NME6: variants seen among roughly 807,000 people sequenced by gnomAD.
The protein encoded by NME6 is nucleoside diphosphate kinase 6, mitochondrial.
NME6 carries 16 observed loss-of-function variants against 22.2 expected under a neutral mutation model. That is an observed-to-expected ratio of 0.72 (90% CI 0.49 to 1.09). NME6 has a LOEUF of 1.09. Among genes scored for constraint, NME6 ranks in the 50% least tolerant of loss-of-function variants. The pLI, the probability that NME6 is intolerant of heterozygous loss-of-function variation, is 0.00. For missense variants in NME6, 229 were observed against 239.0 expected (o/e 0.96, Z 0.28); for synonymous variants, 58 against 85.2 (o/e 0.68, Z 1.76).
intron 2 of NME6, chr3:48,298,170 T>C: frequency 2.0e-6 from 1 of 507,262 alleles, no homozygotes; most frequent in South Asian, 2.0e-5. Flanking sequence ...ATGTGTTATG[T>C]AGCAATAGAA....
chr3:48,298,026 C>G, intron 2 of NME6: 1 of 256,850 alleles, frequency 3.9e-6, no homozygotes, highest in South Asian at 3.8e-5. Flanking sequence ...CAGATAAGGA[C>G]CTGGTCAGCC....
intron 1 of NME6, chr3:48,298,805 C>G: frequency 1.6e-6 from 1 of 609,542 alleles, no homozygotes; most frequent in South Asian, 2.0e-5. Context: ...AAAAGAAACT[C>G]AAGTTTAAAT....
rs2034879812 is a variant in NME6, at chr3:48,294,756, A to C, written c.442T>G (p.Phe148Val). 1.2e-6 allele frequency: 2 copies of C among 1,614,148 alleles called. No individual in the cohort carries two copies. Among genetic ancestry groups the C allele is most frequent in the Non-Finnish European group, 1.7e-6 (2 of 1,180,016 alleles). Residue 148 changes from phenylalanine to valine, a missense_variant, in exon 6 of 6, where the codon TTC becomes GTC. Phe to Val is a conservative substitution (Grantham distance 50). Transcript: ENST00000442597. ...TCCTCATACCAGCGCTGTTCACTGA[A>C]GTCAGGGAAGAAGGCTGCAATCTCT... Reference protein sequence around the residue: ...SREIAAFFPDFSEQRWYEEEE... With the variant: ...SREIAAFFPDVSEQRWYEEEE...
At position 48,298,235 on chromosome 3, in the gene NME6, T is replaced by A. The variant is rs2035314438; in HGVS notation, c.90+192A>T. ...GGTTCTATTATTGCTTTGGGTCCTT[T>A]CTTACATTTTAGGTCTGCCTCAAGT... On this transcript the variant is annotated intron_variant, in intron 2 of 5. Transcript: ENST00000442597. The A allele has an allele frequency of 9.7e-6, 6 of 617,838 alleles. No individual in the cohort carries two copies. In the Admixed American group the frequency reaches 1.7e-4, roughly 17 times the overall value. The allele number at this position is 617,838 out of a possible 1,614,324, so 38.3% of individuals were successfully genotyped here.
Position 48,294,810 on chromosome 3 carries a change from G to C in NME6, c.395-7C>G, listed in dbSNP as rs1003367058. 1.5e-5 allele frequency: 24 copies of C among 1,612,850 alleles called. 1 individual carries two copies. Among genetic ancestry groups the C allele is most frequent in the Non-Finnish European group, 2.0e-5 (23 of 1,179,000 alleles). On this transcript the variant is annotated splice_polypyrimidine_tract_variant and splice_region_variant and intron_variant, in intron 5 of 5. Transcript: ENST00000442597. Reference sequence around the variant, plus strand: ...CTGGCTGAAACCACAGAGTCTGTAAGGGGAGATAAGACAGAGAAGGGGTTC... The same window carrying C: ...CTGGCTGAAACCACAGAGTCTGTAACGGGAGATAAGACAGAGAAGGGGTTC...
chr3:48,300,605 C>T (rs2035588257), intron 1 of NME6: 1 of 297,472 alleles, frequency 3.4e-6, no homozygotes, highest in South Asian at 2.9e-5. Flanking sequence ...GGCCAGGCTG[C>T]TAGGGGTTCT....
At chr3:48,291,645 A>G (rs2034482595), downstream of NME6, 2 of 154,954 alleles carry the variant, frequency 1.3e-5, no homozygotes, top group Non-Finnish European at 2.9e-5. Context: ...TCAGCCTCCC[A>G]AAGTGTTGGA....
Position 48,298,539 on chromosome 3 carries a change from T to G in NME6, c.-7-16A>C, listed in dbSNP as rs754897425. On this transcript the variant is annotated splice_polypyrimidine_tract_variant and intron_variant, in intron 1 of 5. Transcript: ENST00000442597. The stretch of plus-strand genomic sequence containing the variant: ...CATCTCACTCCTGCCATTAGAGAGC[T>G]GTATTAGGAACCCTTCAGGACGGCA... 3 of 1,581,020 alleles carry G rather than the reference T, an allele frequency of 1.9e-6. No individual in the cohort carries two copies. Among genetic ancestry groups the G allele is most frequent in the African/African-American group, 2.7e-5 (2 of 73,952 alleles).
In NME6 at chr3:48,294,596, G is replaced by A. The variant is rs1189497082; in HGVS notation, c.*41C>T. On this transcript the variant is annotated 3_prime_UTR_variant, in exon 6 of 6. Coordinates refer to ENST00000442597, the MANE Select transcript of NME6 (RefSeq NM_001308426.2). ...GAGAATGTTTTAGACTAGATGTCTAGGAGAAGTCTGGGCACTACCACTGGT... is the reference window on the plus strand; with the variant it reads ...GAGAATGTTTTAGACTAGATGTCTAAGAGAAGTCTGGGCACTACCACTGGT... 1 of 1,600,380 alleles carries A rather than the reference G, an allele frequency of 6.2e-7. No individual in the cohort carries two copies. The highest frequency in any genetic ancestry group is 1.1e-5 in the South Asian group (1 of 90,602).
Position 48,294,753 on chromosome 3 carries a change from T to G in NME6, c.445A>C (p.Ser149Arg), listed in dbSNP as rs1229042106. 3.7e-6 allele frequency: 6 copies of G among 1,614,038 alleles called. No individual in the cohort carries two copies. Among genetic ancestry groups the G allele is most frequent in the Non-Finnish European group, 1.7e-6 (2 of 1,180,034 alleles). ...TCCTCCTCATACCAGCGCTGTTCAC[T>G]GAAGTCAGGGAAGAAGGCTGCAATC... The part of the protein sequence containing the change: ...REIAAFFPDF[S>R]EQRWYEEEEP... The change falls in exon 6 of 6, where the codon AGT becomes CGT. Residue 149 changes from serine (S) to arginine (R), a missense_variant. Transcript: ENST00000442597.
intron 2 of NME6, 74 bp downstream of exon 2, chr3:48,298,353 A>G: frequency 7.6e-7 from 1 of 1,309,678 alleles, no homozygotes; most frequent in African/African-American, 1.4e-5. Flanking sequence ...GTCAGTCACC[A>G]TAAATGGCCC....
At chr3:48,300,281 C>T (rs1468427179) in intron 1 of NME6, 2 of 456,808 alleles carry the variant, frequency 4.4e-6, no homozygotes, top group Non-Finnish European at 8.8e-6. Context: ...ACGTACCTCT[C>T]TAGCCTCATC....
At chr3:48,299,478 T>G (rs573208824) in intron 1 of NME6, among the ~76,000 whole-genome samples, 1 of 152,112 alleles carries the variant, frequency 6.6e-6, no homozygotes, top group Non-Finnish European at 1.5e-5. Context: ...CCATGTGTAG[T>G]GGCTCACACC....
chr3:48,296,057 C>T, intron 4 of NME6, 62 bp downstream of exon 4: 1 of 1,108,426 alleles, frequency 9.0e-7, no homozygotes, highest in Non-Finnish European at 1.4e-6. Context: ...TGAACAAATC[C>T]ATTTAGGGGC....
rs1423425091 is a variant in NME6, at chr3:48,292,779, A to G, written c.*1858T>C. ...TGGTCAGGCTGGTCTGGAACTCCCA[A>G]CCTCAGGTGATCCGCCTGCCTCAGC... On this transcript the variant is annotated 3_prime_UTR_variant, in exon 6 of 6. Transcript: ENST00000442597. 2.6e-5 allele frequency: 4 copies of G among 152,014 alleles called. No homozygotes were observed. The highest frequency in any genetic ancestry group is 9.7e-5 in the African/African-American group (4 of 41,350). The allele number at this position is 152,014 out of a possible 1,614,324, so 9.4% of individuals were successfully genotyped here.
At chr3:48,296,973 T>A in intron 2 of NME6, 144 bp from the exon 3 acceptor site, 1 of 620,874 alleles carries the variant, frequency 1.6e-6, no homozygotes, top group South Asian at 1.9e-5. Context: ...GGTGAAGACC[T>A]TCAGTCACAC....
In NME6 at chr3:48,299,180, C is replaced by T. The variant is rs953565293; in HGVS notation, c.-7-657G>A. The stretch of plus-strand genomic sequence containing the variant: ...TCAGGAACAAGTCATAACCATTTTG[C>T]ATCTGAAACAGTGCCTGACACAAAG... On this transcript the variant is annotated intron_variant, in intron 1 of 5. Coordinates refer to ENST00000442597, the MANE Select transcript of NME6 (RefSeq NM_001308426.2). 5 of 506,128 alleles carry T rather than the reference C, an allele frequency of 9.9e-6. No homozygotes were observed. The Admixed American group carries it at 1.1e-4, about 11-fold the overall frequency. 31.4% of individuals were successfully genotyped at this position (506,128 alleles called of 1,614,324 possible). A position where few individuals can be genotyped will look rare whatever the true frequency, so the allele number is the denominator to read the frequency against.
intron 2 of NME6, 100 bp downstream of exon 2, chr3:48,298,327 A>G: frequency 3.8e-6 from 4 of 1,039,778 alleles, no homozygotes; most frequent in Admixed American, 3.8e-5. Flanking sequence ...CACAGCATCC[A>G]GCACAAGTCT....
chr3:48,300,152 C>T (rs2035541183), intron 1 of NME6: 2 of 437,112 alleles, frequency 4.6e-6, no homozygotes, highest in Admixed American at 2.5e-5. Context: ...GTGAACCACA[C>T]ATGAAAATCT....
Sources: gnomAD v4.1 joint callset for allele counts (sites outside exome capture counted in the v4.1 genomes callset) on GRCh38, gnomAD v4.1.1 for gene constraint, MANE v1.5 for transcripts, NCBI Gene and HGNC (gene_info 2026-07-23, HGNC 2026-07-21) for gene names.